The following BEGAIN variants were observed in gnomAD, a reference collection of about 807,000 sequenced individuals.
BEGAIN encodes the protein brain-enriched guanylate kinase-associated protein.
Under a neutral mutation model 35.8 loss-of-function variants are expected in BEGAIN, and 19 were observed. The observed-to-expected ratio is 0.53, with a 90% CI of 0.37 to 0.78. The LOEUF (loss-of-function observed/expected upper bound fraction) is 0.78, where lower values mean the gene tolerates loss of function less well. BEGAIN is among the 30% of genes least tolerant of loss of function. The pLI is 0.00. For synonymous variants in BEGAIN, 462 were observed against 388.6 expected (o/e 1.19, Z -2.22); for missense variants, 795 against 853.6 (o/e 0.93, Z 0.85).
chr14:100,582,640 TAGG>T (rs1418443554), intron 1 of BEGAIN, among the ~76,000 whole-genome samples: 3 of 152,142 alleles, frequency 2.0e-5, no homozygotes, highest in Non-Finnish European at 4.4e-5. Flanking sequence ...CTTCCTCAGA[TAGG>T]ACATGTACAC....
rs778052050 is a variant in BEGAIN, at chr14:100,538,953, C to G, written c.855G>C (p.Ala285=). ...CCTCGGCCTCCTCCTCCTCCTCGGC[C>G]GCGCTGTCAGTGGAGTTCTGGGCCC... is the stretch of plus-strand genomic sequence containing the variant. ...FLRAQNSTDS[A]AEEEEEAEAA... The change falls in exon 7 of 7, where the codon GCG becomes GCC. Residue 285 remains alanine, a synonymous_variant. Coordinates refer to ENST00000554140, the MANE Select transcript of BEGAIN (RefSeq NM_001385089.1). 2.5e-6 allele frequency: 4 copies of G among 1,609,132 alleles called. No homozygotes were observed. Among genetic ancestry groups the G allele is most frequent in the East Asian group, 2.2e-5 (1 of 44,744 alleles).
intron 6 of BEGAIN, 31 bp downstream of exon 6, chr14:100,540,465 C>G (rs771239666): frequency 2.0e-6 from 3 of 1,531,738 alleles, no homozygotes; most frequent in South Asian, 2.4e-5. Flanking sequence ...GGTCCCGGGG[C>G]GGGGTGGGCC....
rs1419770051 is a variant in BEGAIN at position 100,538,887 on chromosome 14, G to C, written c.921C>G (p.Pro307=). The change falls in exon 7 of 7, where the codon CCC becomes CCG. Residue 307 remains proline, a synonymous_variant. Coordinates refer to ENST00000554140, the MANE Select transcript of BEGAIN (RefSeq NM_001385089.1). The part of the protein sequence containing the change: ...FPAGFQHEAF[P]SYAGSLPTSS... ...ACGTGGGCAGTGAGCCTGCGTAGCT[G>C]GGGAAGGCCTCATGCTGGAAGCCCG... 6.2e-7 allele frequency: 1 copy of C among 1,608,084 alleles called. No individual in the cohort carries two copies.
At chr14:100,552,852 A>G (rs1164012914) in intron 2 of BEGAIN, among the ~76,000 whole-genome samples, 2 of 152,244 alleles carry the variant, frequency 1.3e-5, no homozygotes, top group African/African-American at 4.8e-5. Flanking sequence ...ACTGCTGGGC[A>G]GACGGATGGA....
In BEGAIN at chr14:100,539,251, G is replaced by T; in HGVS notation, c.557C>A (p.Ser186Tyr). 1 of 1,588,520 alleles carries T rather than the reference G, an allele frequency of 6.3e-7. No individual in the cohort carries two copies. The highest frequency in any genetic ancestry group is 8.6e-7 in the Non-Finnish European group (1 of 1,167,554). The change falls in exon 7 of 7, where the codon TCC becomes TAC. Residue 186 changes from serine to tyrosine, a missense_variant. Coordinates refer to ENST00000554140, the MANE Select transcript of BEGAIN (RefSeq NM_001385089.1). ...GGCGTAGGCCGGGTGGCAGAGCGGG[G>T]ATGGCAGGCTGCAGCCGTGCTTCTC... The part of the protein sequence containing the change: ...HMEKHGCSLP[S>Y]PLCHPAYADS...
chr14:100,575,637 G>A (rs1005040323), intron 1 of BEGAIN, among the ~76,000 whole-genome samples: 1 of 152,176 alleles, frequency 6.6e-6, no homozygotes, highest in Non-Finnish European at 1.5e-5. Flanking sequence ...ATCCTGGGGG[G>A]CTGGTGGGGG....
chr14:100,587,389 C>T lies in BEGAIN; in HGVS notation c.-99G>A, dbSNP rs2035469798. ...CGGGAGCCGGCGCGGCCGGGGCTCC[C>T]CCACCCCGCCCGGCTTCCCGCAGGG... On this transcript the variant is annotated 5_prime_UTR_variant, in exon 1 of 7. Coordinates refer to ENST00000554140, the MANE Select transcript of BEGAIN (RefSeq NM_001385089.1). 1 of 145,762 alleles carries T rather than the reference C, an allele frequency of 6.9e-6. No homozygotes were observed. The allele number at this position is 145,762 out of a possible 1,614,324, so 9.0% of individuals were successfully genotyped here. A position where few individuals can be genotyped will look rare whatever the true frequency, so the allele number is the denominator to read the frequency against.
chr14:100,544,145 TGCCAAGCCACACA>T (rs967126704), intron 4 of BEGAIN, among the ~76,000 whole-genome samples, 180 bp from the exon 5 acceptor site: 16 of 152,126 alleles, frequency 1.1e-4, no homozygotes, highest in African/African-American at 3.6e-4. Flanking sequence ...GGTCCAACAC[TGCCAAGCCACACA>T]GCCTTGGGGA....
chr14:100,580,378 T>A (rs1223373497), intron 1 of BEGAIN, among the ~76,000 whole-genome samples: 1 of 152,128 alleles, frequency 6.6e-6, no homozygotes, highest in African/African-American at 2.4e-5. Context: ...CACCTTCATA[T>A]ACACTGCAAG....
chr14:100,544,992 G>A lies in BEGAIN; in HGVS notation c.300+8C>T, dbSNP rs754038666. On this transcript the variant is annotated splice_region_variant and intron_variant, in intron 4 of 6. Transcript: ENST00000554140. The stretch of plus-strand genomic sequence containing the variant: ...GGTGGGGGAGTGGGCGCTGCGTGGC[G>A]GCCTCACCATGCGGTACAGCTTGTC... The A allele has an allele frequency of 2.1e-5, 34 of 1,610,974 alleles. No homozygotes were observed. The highest frequency in any genetic ancestry group is 8.9e-5 in the East Asian group (4 of 44,874).
chr14:100,541,455 G>A (rs1417134373), intron 5 of BEGAIN, among the ~76,000 whole-genome samples: 1 of 152,182 alleles, frequency 6.6e-6, no homozygotes, highest in Non-Finnish European at 1.5e-5. Context: ...CCCCCACCAC[G>A]GCCCTGGAGC....
intron 1 of BEGAIN, among the ~76,000 whole-genome samples, chr14:100,570,640 C>A (rs1329972992): frequency 6.6e-6 from 1 of 152,210 alleles, no homozygotes; most frequent in Non-Finnish European, 1.5e-5. Flanking sequence ...GTGCCTGATG[C>A]TCTCCATGCA....
rs148174289 is a variant in BEGAIN, at chr14:100,569,915, A to G, written c.43-1976T>C. 3.3e-3 allele frequency: 510 copies of G among 153,484 alleles called. 5 individuals carry two copies. Among genetic ancestry groups the G allele is most frequent in the African/African-American group, 0.011 (476 of 41,546 alleles). 9.5% of individuals were successfully genotyped at this position (153,484 alleles called of 1,614,324 possible). On this transcript the variant is annotated intron_variant, in intron 1 of 6. Coordinates refer to ENST00000554140, the MANE Select transcript of BEGAIN (RefSeq NM_001385089.1). Reference sequence around the variant, plus strand: ...GAATGGCCACGGTAGTCATAACAATAACGTCCACCGCCCCTTACACATCAT... The same window carrying G: ...GAATGGCCACGGTAGTCATAACAATGACGTCCACCGCCCCTTACACATCAT...
At position 100,538,980 on chromosome 14, in the gene BEGAIN, C is replaced by T. The variant is rs2031101648; in HGVS notation, c.828G>A (p.Leu276=). The T allele has an allele frequency of 1.2e-6, 2 of 1,610,242 alleles. No individual in the cohort carries two copies. The highest frequency in any genetic ancestry group is 3.3e-5 in the Admixed American group (2 of 59,782). The change falls in exon 7 of 7, where the codon CTG becomes CTA. Residue 276 remains leucine (L), a synonymous_variant. Coordinates refer to ENST00000554140, the MANE Select transcript of BEGAIN (RefSeq NM_001385089.1). ...CGCTGTCAGTGGAGTTCTGGGCCCG[C>T]AGGAAGCCCACGTCGGTCACGGGCG... is the stretch of plus-strand genomic sequence containing the variant. The part of the protein sequence containing the change: ...VDAPVTDVGF[L]RAQNSTDSAA...
In BEGAIN at chr14:100,568,325, TA is replaced by T; in HGVS notation, c.43-387del. On this transcript the variant is annotated intron_variant, in intron 1 of 6. Coordinates refer to ENST00000554140, the MANE Select transcript of BEGAIN (RefSeq NM_001385089.1). The surrounding 1 kb of genome is among the most constrained non-coding windows in gnomAD (Gnocchi z 7.5). ...CCGCTGCTCCCCCCGCCCCGCCCGT[TA>T]ACCCTTCCTGCCCCGCGCTCCCTCC... 1.3e-6 allele frequency: 1 copy of T among 782,730 alleles called. No homozygotes were observed. Among genetic ancestry groups the T allele is most frequent in the Non-Finnish European group, 1.8e-6 (1 of 551,554 alleles). 48.5% of individuals were successfully genotyped at this position (782,730 alleles called of 1,614,324 possible).
chr14:100,554,564 C>G (rs749558784), intron 2 of BEGAIN, among the ~76,000 whole-genome samples: 1 of 152,104 alleles, frequency 6.6e-6, no homozygotes, highest in Non-Finnish European at 1.5e-5. Flanking sequence ...CTCCTCTCCA[C>G]GTAGCACCTG....
intron 1 of BEGAIN, among the ~76,000 whole-genome samples, chr14:100,574,340 C>T (rs1334413452): frequency 6.6e-6 from 1 of 152,182 alleles, no homozygotes; most frequent in Non-Finnish European, 1.5e-5. Context: ...GCAGAGGTGA[C>T]CCTGTCCCAC....
In BEGAIN at chr14:100,538,284, C is replaced by T. The variant is rs1427429802; in HGVS notation, c.1524G>A (p.Glu508=). The T allele has an allele frequency of 6.4e-7, 1 of 1,554,196 alleles. No individual in the cohort carries two copies. Among genetic ancestry groups the T allele is most frequent in the Admixed American group, 1.9e-5 (1 of 52,676 alleles). The part of the protein sequence containing the change: ...GDDLSQGHLA[E]PCFLRAGGDL... ...CGCCGCCCGCCCGCAGGAAGCAGGG[C>T]TCTGCCAGGTGGCCCTGGGAGAGGT... Residue 508 remains glutamate (E), a synonymous_variant, in exon 7 of 7, where the codon GAG becomes GAA. Transcript: ENST00000554140.
Position 100,582,529 on chromosome 14 carries a change from C to T in BEGAIN, c.42+4720G>A, listed in dbSNP as rs552547703. 2.7e-4 allele frequency among the ~76,000 whole-genome samples: 41 copies of T among 152,318 alleles called. No individual in the cohort carries two copies. In the East Asian group the frequency reaches 5.2e-3, roughly 19 times the overall value. The stretch of plus-strand genomic sequence containing the variant: ...CACTTGTGCTCCTAATCACCTGCCC[C>T]GCTGTCCCTGGATTTTCCACGCTGG... On this transcript the variant is annotated intron_variant, in intron 1 of 6. Transcript: ENST00000554140.
Sources: allele counts gnomAD v4.1 joint callset (sites outside exome capture counted in the v4.1 genomes callset), GRCh38; gene constraint gnomAD v4.1.1; non-coding constraint Gnocchi (gnomAD v3.1); transcripts MANE v1.5; gene names NCBI Gene and HGNC (gene_info 2026-07-23, HGNC 2026-07-21).